PWWP4: variants seen among roughly 807,000 people sequenced by gnomAD.
The protein encoded by PWWP4 is PWWP domain containing 4.
At chrX:153,270,220 GAGAGAGAGAGA>G (rs1157344100), upstream of PWWP4, among the ~76,000 whole-genome samples, 2 of 108,372 alleles carry the variant, frequency 1.8e-5, no homozygotes, top group Non-Finnish European at 3.8e-5. Flanking sequence ...CACAGAGAGA[GAGAGAGAGAGA>G]GGAGAGAGAG....
chrX:153,272,792 G>A (rs1294208607), exon 1 of PWWP4, among the ~76,000 whole-genome samples: 5 of 113,682 alleles, frequency 4.4e-5, no homozygotes, highest in Non-Finnish European at 7.5e-5. Context: ...CGGGCACGCA[G>A]CGCCATTGCT....
chrX:153,271,436 G>A (rs2051806233), upstream of PWWP4, among the ~76,000 whole-genome samples: 1 of 108,974 alleles, frequency 9.2e-6, no homozygotes, highest in African/African-American at 3.4e-5. Flanking sequence ...TTGGAAACAC[G>A]AGTTCAAGTG....
In PWWP4 at chrX:153,272,876, G is replaced by A. The variant is rs782082925; in HGVS notation, c.1259G>A (p.Arg420His). Among the ~76,000 whole-genome samples the A allele has an allele frequency of 8.8e-5, 10 of 114,248 alleles. No individual in the cohort carries two copies. The South Asian group carries it at 1.0e-3, about 12-fold the overall frequency. Residue 420 changes from arginine (R) to histidine (H), a missense_variant, in exon 1 of 1, where the codon CGT becomes CAT. Coordinates refer to ENST00000458091, the Ensembl canonical transcript of PWWP4. ...ATTGCCCCTACTCCAGGTGCCCTGC[G>A]TGGAGACAGGTCAGCAGCGCGCACG...
chrX:153,272,763 C>A lies in PWWP4; in HGVS notation c.1146C>A (p.Ala382=), dbSNP rs1158593344. The change falls in exon 1 of 1, where the codon GCC becomes GCA. Residue 382 remains alanine (A), a synonymous_variant. Transcript: ENST00000458091. ...CGGCCGTTGTCCGTACTCCAGGTGCCCTTGGCAGGGACAGGTCACGGGCAC... is the reference window on the plus strand; with the variant it reads ...CGGCCGTTGTCCGTACTCCAGGTGCACTTGGCAGGGACAGGTCACGGGCAC... Among the ~76,000 whole-genome samples, 4 of 113,527 alleles carry A rather than the reference C, an allele frequency of 3.5e-5. No homozygotes were observed. The Admixed American group carries it at 3.7e-4, about 10-fold the overall frequency.
chrX:153,272,832 G>A (rs1424828172), exon 1 of PWWP4, among the ~76,000 whole-genome samples: 12 of 114,319 alleles, frequency 1.0e-4, no homozygotes, highest in Non-Finnish European at 2.1e-4. Flanking sequence ...AGGGAAACAG[G>A]TCATCTGTGT....
rs1185142236 is a variant in PWWP4 at position 153,276,027 on chromosome X, C to A, written c.4410C>A (p.Arg1470=). Among the ~76,000 whole-genome samples, 316 of 95,732 alleles carry A rather than the reference C, an allele frequency of 3.3e-3. 2 individuals carry two copies. The highest frequency in any genetic ancestry group is 0.012 in the African/African-American group (290 of 24,294). 83.1% of individuals were successfully genotyped at this position (95,732 alleles called of 115,157 possible). Residue 1470 remains arginine, a synonymous_variant, in exon 1 of 1, where the codon CGC becomes CGA. Transcript: ENST00000458091. ...TTGCTTCTACTCCAGGCCCTCTGCG[C>A]GGTGACAGCTCACCATTTCACACAG...
At chrX:153,266,473 A>ATGTGTGTGTGAGGATG in the PWWP4 span, among the ~76,000 whole-genome samples, 1 of 56,977 alleles carries the variant, frequency 1.8e-5, no homozygotes, top group Non-Finnish European at 3.4e-5. Flanking sequence ...GTATGTGAGG[A>ATGTGTGTGTGAGGATG]TGTGTGTGTG....
At chrX:153,266,384 C>T in the PWWP4 span, among the ~76,000 whole-genome samples, 664 of 95,307 alleles carry the variant, frequency 7.0e-3, 8 homozygotes, top group African/African-American at 0.024. Context: ...TGTGTGTGCG[C>T]GCGTGTGTGT....
At chrX:153,270,212 C>CAGAGAG (rs1322132253), upstream of PWWP4, among the ~76,000 whole-genome samples, 21 of 100,765 alleles carry the variant, frequency 2.1e-4, no homozygotes, top group East Asian at 1.7e-3. Flanking sequence ...CACACACACA[C>CAGAGAG]AGAGAGAGAG....
At chrX:153,266,461 T>G in the PWWP4 span, among the ~76,000 whole-genome samples, 5 of 74,671 alleles carry the variant, frequency 6.7e-5, no homozygotes, top group East Asian at 5.7e-4. Context: ...GTGTGCGTGT[T>G]TGTATGTGAG....
At chrX:153,270,342 G>A (rs1209143757), upstream of PWWP4, among the ~76,000 whole-genome samples, 4 of 102,907 alleles carry the variant, frequency 3.9e-5, no homozygotes, top group South Asian at 4.3e-4. Context: ...ACTAGCATAC[G>A]CTAAGTGGCA....
exon 1 of PWWP4, among the ~76,000 whole-genome samples, chrX:153,276,160 A>C (rs2051826924): frequency 9.8e-6 from 1 of 102,073 alleles, no homozygotes; most frequent in Non-Finnish European, 2.0e-5. Context: ...AGGAGAACGC[A>C]TGGCCATTGC....
upstream of PWWP4, among the ~76,000 whole-genome samples, chrX:153,271,275 C>T (rs1250481734): frequency 8.9e-6 from 1 of 112,758 alleles, no homozygotes; most frequent in East Asian, 3.2e-4. Context: ...TACTTGCCAT[C>T]TGTCTATCCC....
exon 1 of PWWP4, among the ~76,000 whole-genome samples, chrX:153,271,618 A>G (rs1371587539): frequency 9.6e-6 from 1 of 104,510 alleles, no homozygotes; most frequent in African/African-American, 3.7e-5. Context: ...CCAGCTCATC[A>G]TGGACTCGGA....
In PWWP4 at chrX:153,276,471, C is replaced by T. The variant is rs1476499066; in HGVS notation, c.4854C>T (p.Pro1618=). ...CCTCGACTCTTATGTCCCTGCCTCC[C>T]ACAGTAACGGAGGAGGGTGCATCTC... The change falls in exon 1 of 1, where the codon CCC becomes CCT. Residue 1618 remains proline, a synonymous_variant. Coordinates refer to ENST00000458091, the Ensembl canonical transcript of PWWP4. 9.5e-3 allele frequency among the ~76,000 whole-genome samples: 600 copies of T among 63,122 alleles called. 3 individuals carry two copies. Among genetic ancestry groups the T allele is most frequent in the Non-Finnish European group, 0.016 (492 of 30,351 alleles). The allele number at this position is 63,122 out of a possible 115,157, so 54.8% of individuals were successfully genotyped here.
chrX:153,276,244 C>T (rs1173367605), exon 1 of PWWP4, among the ~76,000 whole-genome samples: 3 of 90,774 alleles, frequency 3.3e-5, no homozygotes, highest in South Asian at 4.5e-4. Context: ...AAGTGTCCTG[C>T]GCAGTGACAG....
chrX:153,270,112 A>G (rs1226188404), upstream of PWWP4, among the ~76,000 whole-genome samples: 4,516 of 107,431 alleles, frequency 0.042, 609 homozygotes, highest in African/African-American at 0.15. Context: ...GAAAAACACA[A>G]TAACATGACA....
exon 1 of PWWP4, among the ~76,000 whole-genome samples, chrX:153,271,703 C>T (rs1249272651): frequency 1.2e-5 from 1 of 86,098 alleles, no homozygotes; most frequent in Non-Finnish European, 2.1e-5. Flanking sequence ...TCACCAAAAA[C>T]GAAGCCTGAA....
chrX:153,271,109 C>T (rs2124165018), upstream of PWWP4, among the ~76,000 whole-genome samples: 1 of 114,185 alleles, frequency 8.8e-6, no homozygotes, highest in East Asian at 2.9e-4. Context: ...CCAAGGAGCC[C>T]AAAGGCACAG....
Sources: allele counts gnomAD v4.1 joint callset (sites outside exome capture counted in the v4.1 genomes callset), GRCh38; gene constraint gnomAD v4.1.1; transcripts MANE v1.5; gene names NCBI Gene and HGNC (gene_info 2026-07-23, HGNC 2026-07-21).